Variants in EIF2AK1 observed in about 807,000 individuals in gnomAD.
EIF2AK1 encodes the protein eukaryotic translation initiation factor 2 alpha kinase 1.
EIF2AK1 carries 54 observed loss-of-function variants against 77.9 expected under a neutral mutation model. The ratio of observed to expected loss-of-function variants is 0.69; its 90% confidence interval spans 0.56 to 0.87. The LOEUF (loss-of-function observed/expected upper bound fraction) is 0.87. Among genes scored for constraint, EIF2AK1 ranks in the 40% least tolerant of loss-of-function variants. The pLI, the probability that EIF2AK1 is intolerant of heterozygous loss-of-function variation, is 0.00. For synonymous variants in EIF2AK1, 314 were observed against 290.5 expected (o/e 1.08, Z -0.82); for missense variants, 810 against 768.6 (o/e 1.05, Z -0.64).
At chr7:6,049,627 CT>C (rs566250638) in intron 3 of EIF2AK1, among the ~76,000 whole-genome samples, 27,534 of 132,414 alleles carry the variant, frequency 0.21, 3,258 homozygotes, top group African/African-American at 0.36. Flanking sequence ...CCTCTCCTCT[CT>C]TTTTTTTTTT....
rs1375424161 is a variant in EIF2AK1 at position 6,036,193 on chromosome 7, T to C, written c.1332+1231A>G. ...CAAGGAATTCTACCTGCAGGAATCA[T>C]GCTACCAGAATTCCGCCTCTTAAGG... On this transcript the variant is annotated intron_variant, in intron 11 of 14. Coordinates refer to ENST00000199389, the MANE Select transcript of EIF2AK1 (RefSeq NM_014413.4). This position sits in a 1 kb window ranked among gnomAD's most constrained non-coding sequence, Gnocchi z 4.6. The C allele has an allele frequency of 6.5e-7, 1 of 1,549,638 alleles. No individual in the cohort carries two copies. Among genetic ancestry groups the C allele is most frequent in the Non-Finnish European group, 8.7e-7 (1 of 1,146,544 alleles).
At chr7:6,026,520 G>A in intron 14 of EIF2AK1, 1 of 698,958 alleles carries the variant, frequency 1.4e-6, no homozygotes, top group Admixed American at 2.0e-5. Context: ...TGAGGCCACA[G>A]CTGCTACCCC....
intron 7 of EIF2AK1, among the ~76,000 whole-genome samples, 160 bp downstream of exon 7, chr7:6,044,402 C>T (rs1195524901): frequency 2.0e-5 from 3 of 152,008 alleles, no homozygotes; most frequent in South Asian, 4.2e-4. Context: ...ACCCAGGAGG[C>T]GGAGCAGCCT....
At chr7:6,031,688 T>C in intron 11 of EIF2AK1, 1 of 1,251,466 alleles carries the variant, frequency 8.0e-7, no homozygotes, top group Non-Finnish European at 1.1e-6. Context: ...CTCACGGCCC[T>C]TATGAGAATG....
At position 6,054,724 on chromosome 7, in the gene EIF2AK1, A is replaced by G. The variant is rs771829548; in HGVS notation, c.119-20T>C. On this transcript the variant is annotated intron_variant, in intron 1 of 14. Transcript: ENST00000199389. ...CAGATTCTAAAAATTAAAAAGGAAA[A>G]TATTTTTAAATTAATGGTAAACCTG... is the stretch of plus-strand genomic sequence containing the variant. The G allele has an allele frequency of 1.3e-6, 2 of 1,595,428 alleles. No individual in the cohort carries two copies. Among genetic ancestry groups the G allele is most frequent in the Non-Finnish European group, 1.7e-6 (2 of 1,164,496 alleles).
rs893082791 is a variant in EIF2AK1 at position 6,023,566 on chromosome 7, G to A, written c.*1107C>T. On this transcript the variant is annotated 3_prime_UTR_variant, in exon 15 of 15. Transcript: ENST00000199389. ...GAATGAACTCACCGTAGCAGACGTGGTGCTGTGGTCTGTACTCCAGCAGAT... is the reference window on the plus strand; with the variant it reads ...GAATGAACTCACCGTAGCAGACGTGATGCTGTGGTCTGTACTCCAGCAGAT... 5.0e-6 allele frequency: 8 copies of A among 1,614,120 alleles called. No homozygotes were observed. Among genetic ancestry groups the A allele is most frequent in the Non-Finnish European group, 6.8e-6 (8 of 1,180,054 alleles).
At chr7:6,025,008 T>C (rs2128884136) in intron 14 of EIF2AK1, among the ~76,000 whole-genome samples, 1 of 152,096 alleles carries the variant, frequency 6.6e-6, no homozygotes, top group African/African-American at 2.4e-5. Context: ...CCAGCTAGTT[T>C]CTGTATTTTT....
chr7:6,028,856 C>T (rs1787823057), intron 12 of EIF2AK1, 62 bp downstream of exon 12: 4 of 1,469,126 alleles, frequency 2.7e-6, no homozygotes, highest in Admixed American at 1.9e-5. Context: ...TCTTTAAATA[C>T]TAACATGTGC....
rs1447994282 is a variant in EIF2AK1 at position 6,027,866 on chromosome 7, A to C, written c.1530+749T>G. 4 of 404,570 alleles carry C rather than the reference A, an allele frequency of 9.9e-6. No individual in the cohort carries two copies. Among genetic ancestry groups the C allele is most frequent in the African/African-American group, 8.4e-5 (4 of 47,904 alleles). 25.1% of individuals were successfully genotyped at this position (404,570 alleles called of 1,614,324 possible). On this transcript the variant is annotated intron_variant, in intron 13 of 14. Transcript: ENST00000199389. This position sits in a 1 kb window ranked among gnomAD's most constrained non-coding sequence, Gnocchi z 4.5. ...AATCATTTGAGGCCAGGAGTTTGAG[A>C]CCAACCTGGACAAAGCAAGACCCAT...
intron 4 of EIF2AK1, among the ~76,000 whole-genome samples, chr7:6,048,466 C>T (rs1788507556): frequency 6.6e-6 from 1 of 152,190 alleles, no homozygotes; most frequent in Non-Finnish European, 1.5e-5. Flanking sequence ...ACATGCTTAT[C>T]TATTCATGGG....
chr7:6,044,085 C>T (rs1418665704), intron 7 of EIF2AK1, among the ~76,000 whole-genome samples: 4 of 151,378 alleles, frequency 2.6e-5, no homozygotes, highest in African/African-American at 7.3e-5. Flanking sequence ...GGTGACAGAG[C>T]GAGACTCTGT....
At chr7:6,026,118 C>G (rs1387801023) in intron 14 of EIF2AK1, among the ~76,000 whole-genome samples, 1 of 152,110 alleles carries the variant, frequency 6.6e-6, no homozygotes, top group Non-Finnish European at 1.5e-5. Context: ...TGCAGCAACC[C>G]CATCGGGCAC....
rs1243018813 is a variant in EIF2AK1 at position 6,032,868 on chromosome 7, G to A, written c.1333-3836C>T. 7.7e-6 allele frequency: 12 copies of A among 1,551,002 alleles called. No homozygotes were observed. Among genetic ancestry groups the A allele is most frequent in the Non-Finnish European group, 1.0e-5 (12 of 1,147,028 alleles). The stretch of plus-strand genomic sequence containing the variant: ...CAGAGTCTATCATCCCCATCCATCT[G>A]GCTGCCAAGTACCACAAGGCCCAGA... On this transcript the variant is annotated intron_variant, in intron 11 of 14. Transcript: ENST00000199389. The surrounding 1 kb of genome is among the most constrained non-coding windows in gnomAD (Gnocchi z 4.3).
rs551857734 is a variant in EIF2AK1 at position 6,036,943 on chromosome 7, T to G, written c.1332+481A>C. ...AAAATTACTACTTTAAAATTCAACT[T>G]ATAACCAAGTGCAGTGGCTCACACC... is the stretch of plus-strand genomic sequence containing the variant. On this transcript the variant is annotated intron_variant, in intron 11 of 14. Transcript: ENST00000199389. The surrounding 1 kb of genome is among the most constrained non-coding windows in gnomAD (Gnocchi z 4.6). 1.3e-5 allele frequency among the ~76,000 whole-genome samples: 2 copies of G among 152,150 alleles called. No individual in the cohort carries two copies. The highest frequency in any genetic ancestry group is 1.3e-4 in the Admixed American group (2 of 15,252).
At chr7:6,038,768 G>C (rs1260638142) in intron 9 of EIF2AK1, 97 bp from the exon 10 acceptor site, 29 of 1,018,238 alleles carry the variant, frequency 2.8e-5, no homozygotes, top group South Asian at 2.3e-4. Flanking sequence ...TGGGCCAAGA[G>C]AGTAGGCCTC....
intron 1 of EIF2AK1, 119 bp downstream of exon 1, chr7:6,058,847 A>G (rs1583505876): frequency 4.5e-6 from 4 of 896,322 alleles, no homozygotes; most frequent in Non-Finnish European, 6.4e-6. Context: ...CGCCGGTTCA[A>G]CCCTGGAGGC....
chr7:6,044,431 C>G (rs984386436), intron 7 of EIF2AK1, 131 bp downstream of exon 7: 3 of 692,714 alleles, frequency 4.3e-6, no homozygotes, highest in African/African-American at 3.7e-5. Context: ...GAGTGAGACT[C>G]CGTCTCAAAA....
At position 6,023,488 on chromosome 7, in the gene EIF2AK1, G is replaced by A. The variant is rs767430426; in HGVS notation, c.*1185C>T. 43 of 1,614,120 alleles carry A rather than the reference G, an allele frequency of 2.7e-5. No individual in the cohort carries two copies. The Middle Eastern group carries it at 4.9e-4, about 19-fold the overall frequency. ...AGAGGGAAGCAGTAAAGAAAAAGCC[G>A]CTGTTTTCCGCTCCATGAACTCTGC... On this transcript the variant is annotated 3_prime_UTR_variant, in exon 15 of 15. Coordinates refer to ENST00000199389, the MANE Select transcript of EIF2AK1 (RefSeq NM_014413.4).
intron 2 of EIF2AK1, among the ~76,000 whole-genome samples, chr7:6,051,843 A>G (rs567695180): frequency 2.0e-5 from 3 of 152,196 alleles, no homozygotes; most frequent in Non-Finnish European, 2.9e-5. Context: ...CACTGATTAC[A>G]TCAAAAACAT....
Sources: allele counts gnomAD v4.1 joint callset (sites outside exome capture counted in the v4.1 genomes callset), GRCh38; gene constraint gnomAD v4.1.1; non-coding constraint Gnocchi (gnomAD v3.1); transcripts MANE v1.5; gene names NCBI Gene and HGNC (gene_info 2026-07-23, HGNC 2026-07-21).